Variants in ZNF892 observed in about 807,000 individuals in gnomAD.
ZNF892 encodes zinc finger protein 892, also known as zinc finger protein 570-like.
the ZNF892 span, among the ~76,000 whole-genome samples, chr2:95,263,202 C>T: frequency 1.3e-5 from 2 of 152,274 alleles, no homozygotes; most frequent in African/African-American, 2.4e-5. Flanking sequence ...GGATTGGATG[C>T]ACCCATGGCT....
the ZNF892 span, among the ~76,000 whole-genome samples, chr2:95,243,409 G>A: frequency 8.9e-4 from 135 of 150,852 alleles, no homozygotes; most frequent in African/African-American, 3.1e-3. Context: ...AGTGAGGAGC[G>A]CCTCTTCCCG....
At chr2:95,207,829 G>A in the ZNF892 span, 2 of 398,608 alleles carry the variant, frequency 5.0e-6, no homozygotes, top group Non-Finnish European at 8.8e-6. Context: ...GAACCTGAGG[G>A]CAGAGGTGAG....
chr2:95,251,291 C>T, the ZNF892 span, among the ~76,000 whole-genome samples: 10 of 152,124 alleles, frequency 6.6e-5, no homozygotes, highest in Non-Finnish European at 2.9e-5. Context: ...CTCACCTTGG[C>T]CTTATTCACT....
chr2:95,235,862 C>G, the ZNF892 span, among the ~76,000 whole-genome samples: 1 of 152,160 alleles, frequency 6.6e-6, no homozygotes, highest in Non-Finnish European at 1.5e-5. Context: ...ACCACAGGAG[C>G]CAGTTCAAAA....
At chr2:95,211,476 C>T in the ZNF892 span, 3 of 392,616 alleles carry the variant, frequency 7.6e-6, no homozygotes, top group African/African-American at 2.1e-5. Flanking sequence ...AATCTTAGTA[C>T]TGGAAAGGGT....
the ZNF892 span, among the ~76,000 whole-genome samples, chr2:95,221,118 C>G: frequency 6.6e-6 from 1 of 152,124 alleles, no homozygotes; most frequent in African/African-American, 2.4e-5. Context: ...AAATTTAATG[C>G]CTACTTGAGA....
At chr2:95,248,748 A>G in the ZNF892 span, among the ~76,000 whole-genome samples, 4 of 152,096 alleles carry the variant, frequency 2.6e-5, no homozygotes, top group African/African-American at 2.4e-5. Flanking sequence ...GCCAGCTTTG[A>G]CCTTGCAACA....
the ZNF892 span, among the ~76,000 whole-genome samples, chr2:95,260,723 A>C: frequency 3.9e-5 from 6 of 152,158 alleles, no homozygotes; most frequent in African/African-American, 1.4e-4. Context: ...GGCCCAGGCA[A>C]ACTGCTGCCT....
chr2:95,221,341 C>T, the ZNF892 span, among the ~76,000 whole-genome samples: 2 of 152,174 alleles, frequency 1.3e-5, no homozygotes, highest in Non-Finnish European at 2.9e-5. Context: ...CTGTTAAAAT[C>T]TGCATCTTTT....
At chr2:95,207,575 T>C in the ZNF892 span, 1 of 380,420 alleles carries the variant, frequency 2.6e-6, no homozygotes, top group Non-Finnish European at 4.7e-6. Context: ...GTTAGATGCC[T>C]TTGTCGTCGG....
chr2:95,222,500 T>C, the ZNF892 span, among the ~76,000 whole-genome samples: 2 of 152,176 alleles, frequency 1.3e-5, no homozygotes, highest in Non-Finnish European at 2.9e-5. Context: ...GGTATTCTCA[T>C]TGTTTTTATT....
the ZNF892 span, among the ~76,000 whole-genome samples, chr2:95,256,582 C>T: frequency 1.7e-4 from 26 of 152,124 alleles, no homozygotes; most frequent in Admixed American, 1.1e-3. Context: ...GTATCTTTGT[C>T]GTGTTCTCTG....
At chr2:95,224,670 C>T in the ZNF892 span, among the ~76,000 whole-genome samples, 2 of 152,190 alleles carry the variant, frequency 1.3e-5, no homozygotes, top group Admixed American at 6.5e-5. Context: ...TTGAGGATTA[C>T]AATTTGACAT....
chr2:95,225,418 T>A, the ZNF892 span, among the ~76,000 whole-genome samples: 1 of 152,164 alleles, frequency 6.6e-6, no homozygotes, highest in African/African-American at 2.4e-5. Context: ...CCTTGCAGCA[T>A]CATCCCATGA....
the ZNF892 span, among the ~76,000 whole-genome samples, chr2:95,238,092 C>T: frequency 6.6e-6 from 1 of 152,238 alleles, no homozygotes; most frequent in African/African-American, 2.4e-5. Context: ...AAGGGGGCTA[C>T]ACGCAACAAC....
chr2:95,223,048 A>G, the ZNF892 span, among the ~76,000 whole-genome samples: 31 of 152,218 alleles, frequency 2.0e-4, no homozygotes, highest in Non-Finnish European at 3.5e-4. Flanking sequence ...TTGATTGATC[A>G]TAGTTAAGCG....
chr2:95,235,669 C>G, the ZNF892 span, among the ~76,000 whole-genome samples: 1 of 152,198 alleles, frequency 6.6e-6, no homozygotes, highest in African/African-American at 2.4e-5. Context: ...CCCCAGTAAA[C>G]TTTCTCAGTG....
chr2:95,221,241 G>A, the ZNF892 span, among the ~76,000 whole-genome samples: 1 of 152,202 alleles, frequency 6.6e-6, no homozygotes, highest in Non-Finnish European at 1.5e-5. Flanking sequence ...TATCCATCAT[G>A]TATGCTTCAC....
the ZNF892 span, among the ~76,000 whole-genome samples, chr2:95,251,868 T>C: frequency 6.6e-6 from 1 of 152,176 alleles, no homozygotes; most frequent in Non-Finnish European, 1.5e-5. Context: ...ACGAAGACTC[T>C]TTAGGGAGGC....
Sources: allele counts gnomAD v4.1 joint callset (sites outside exome capture counted in the v4.1 genomes callset), GRCh38; gene constraint gnomAD v4.1.1; transcripts MANE v1.5; gene names NCBI Gene and HGNC (gene_info 2026-07-23, HGNC 2026-07-21).